Variants in PTPRD observed in about 807,000 individuals in gnomAD.
The protein encoded by PTPRD is receptor-type tyrosine-protein phosphatase delta.
In PTPRD, 34 loss-of-function variants were observed where a neutral mutation model predicts 214.5. The observed-to-expected ratio is 0.16, with a 90% confidence interval of 0.12 to 0.21. PTPRD has a LOEUF of 0.21. Ranked by LOEUF, PTPRD falls within the 10% of genes least tolerant of loss-of-function variation. The probability of loss-of-function intolerance (pLI) is 1.00; values close to 1 mark genes in which losing one functional copy is unlikely to be tolerated. For synonymous variants in PTPRD, 1,128 were observed against 845.7 expected (o/e 1.33, Z -5.79); for missense variants, 2,545 against 2,398.7 (o/e 1.06, Z -1.27).
intron 3 of PTPRD, among the ~76,000 whole-genome samples, chr9:10,223,622 A>T (rs1594685948): frequency 6.6e-6 from 1 of 150,670 alleles, no homozygotes; most frequent in East Asian, 2.0e-4. Context: ...CAAGATCACA[A>T]TCATGCCACT....
At chr9:8,813,980 A>G (rs2096869653) in intron 11 of PTPRD, among the ~76,000 whole-genome samples, 1 of 152,152 alleles carries the variant, frequency 6.6e-6, no homozygotes, top group Non-Finnish European at 1.5e-5. Flanking sequence ...GTCACACAAC[A>G]CTGAAGTGTA....
Position 9,477,327 on chromosome 9 carries a change from A to C in PTPRD, c.-236-79845T>G, listed in dbSNP as rs571132110. 2.6e-5 allele frequency among the ~76,000 whole-genome samples: 4 copies of C among 152,344 alleles called. No individual in the cohort carries two copies. In the South Asian group the frequency reaches 8.3e-4, roughly 32 times the overall value. ...ATGATGATATCACCCATTGAGATTAACAGCATGAGGATGCTCATGTTTCTC... is the reference window on the plus strand; with the variant it reads ...ATGATGATATCACCCATTGAGATTACCAGCATGAGGATGCTCATGTTTCTC... On this transcript the variant is annotated intron_variant, in intron 8 of 45. Coordinates refer to ENST00000381196, the MANE Select transcript of PTPRD (RefSeq NM_002839.4).
chr9:10,203,718 C>A (rs1033029055), intron 3 of PTPRD, among the ~76,000 whole-genome samples: 1 of 152,032 alleles, frequency 6.6e-6, no homozygotes, highest in African/African-American at 2.4e-5. Context: ...CATGCACATA[C>A]CTAAAATGGA....
chr9:8,803,646 T>C (rs1415453547), intron 11 of PTPRD, among the ~76,000 whole-genome samples: 3 of 151,610 alleles, frequency 2.0e-5, no homozygotes, highest in African/African-American at 7.3e-5. Context: ...ACTGCTTGAG[T>C]CTAAGAGGTG....
intron 3 of PTPRD, among the ~76,000 whole-genome samples, chr9:10,035,046 T>C (rs1005650783): frequency 1.3e-5 from 2 of 152,198 alleles, no homozygotes; most frequent in South Asian, 2.1e-4. Flanking sequence ...TCCACTGTGG[T>C]TGAACTAATT....
chr9:9,666,809 T>C (rs1041121665), intron 7 of PTPRD, among the ~76,000 whole-genome samples: 3 of 152,028 alleles, frequency 2.0e-5, no homozygotes, highest in African/African-American at 7.2e-5. Context: ...TAATAATCTA[T>C]CAACTCTAAG....
At chr9:9,052,104 G>A (rs2099686939) in intron 10 of PTPRD, among the ~76,000 whole-genome samples, 1 of 152,186 alleles carries the variant, frequency 6.6e-6, no homozygotes, top group African/African-American at 2.4e-5. Flanking sequence ...TCAGTGTGGT[G>A]TGGTGTTGTT....
intron 7 of PTPRD, among the ~76,000 whole-genome samples, chr9:9,650,165 C>T (rs1436815823): frequency 6.6e-6 from 1 of 152,178 alleles, no homozygotes; most frequent in Middle Eastern, 3.4e-3. Context: ...TAAAAGTGTG[C>T]AGTGGTTTTC....
chr9:8,705,463 A>G (rs2098186048), intron 12 of PTPRD, among the ~76,000 whole-genome samples: 1 of 152,242 alleles, frequency 6.6e-6, no homozygotes, highest in African/African-American at 2.4e-5. Flanking sequence ...TACAAGAAAC[A>G]AATTCCCAGA....
At chr9:8,525,166 G>C (rs1174638570) in intron 17 of PTPRD, 131 bp from the exon 18 acceptor site, 1 of 803,074 alleles carries the variant, frequency 1.2e-6, no homozygotes, top group East Asian at 2.4e-5. Context: ...TCAATCTCTT[G>C]CTAAGTTGCA....
In PTPRD at chr9:8,336,021, T is replaced by C. The variant is rs566481797; in HGVS notation, c.5379+2901A>G. On this transcript the variant is annotated intron_variant, in intron 43 of 45. Coordinates refer to ENST00000381196, the MANE Select transcript of PTPRD (RefSeq NM_002839.4). ...ATAGGAAGAATCAATATCGTGAAAA[T>C]GGCCATACTGCCCAAGGTAATTTAT... Among the ~76,000 whole-genome samples the C allele has an allele frequency of 7.2e-5, 11 of 151,858 alleles. No individual in the cohort carries two copies. In the East Asian group the frequency reaches 1.9e-3, roughly 27 times the overall value.
At chr9:9,204,844 C>T (rs1189412167) in intron 9 of PTPRD, among the ~76,000 whole-genome samples, 1 of 152,000 alleles carries the variant, frequency 6.6e-6, no homozygotes, top group Non-Finnish European at 1.5e-5. Flanking sequence ...ATAAATGTCT[C>T]AAATTATTAT....
intron 11 of PTPRD, among the ~76,000 whole-genome samples, chr9:8,954,441 T>A (rs1009939773): frequency 6.6e-6 from 1 of 151,554 alleles, no homozygotes; most frequent in African/African-American, 2.4e-5. Flanking sequence ...AACTTCAGCA[T>A]CACAAAATAT....
At chr9:9,232,865 T>C (rs1217068879) in intron 9 of PTPRD, among the ~76,000 whole-genome samples, 1 of 152,116 alleles carries the variant, frequency 6.6e-6, no homozygotes, top group African/African-American at 2.4e-5. Context: ...CCAAAATTTC[T>C]CTTCCTCAAG....
chr9:9,511,223 A>T (rs1018746905), intron 8 of PTPRD, among the ~76,000 whole-genome samples: 1 of 151,790 alleles, frequency 6.6e-6, no homozygotes, highest in Non-Finnish European at 1.5e-5. Context: ...AAATGGAGAC[A>T]TTTTATAAAT....
rs148106653 is a variant in PTPRD at position 8,973,701 on chromosome 9, A to G, written c.-104+44996T>C. Among the ~76,000 whole-genome samples the G allele has an allele frequency of 2.1e-3, 319 of 152,090 alleles. 2 individuals carry two copies. Among genetic ancestry groups the G allele is most frequent in the Middle Eastern group, 0.01 (3 of 294 alleles). The stretch of plus-strand genomic sequence containing the variant: ...CCACCAACAGTGTATAAGCATTCCC[A>G]TTTCTCTGTAGCCTCTCCAGCATTT... On this transcript the variant is annotated intron_variant, in intron 11 of 45. Coordinates refer to ENST00000381196, the MANE Select transcript of PTPRD (RefSeq NM_002839.4).
At chr9:9,368,658 T>G (rs2058555159) in intron 9 of PTPRD, among the ~76,000 whole-genome samples, 1 of 151,868 alleles carries the variant, frequency 6.6e-6, no homozygotes, top group Non-Finnish European at 1.5e-5. Flanking sequence ...ACTAATTCAG[T>G]TAAAGGTAAT....
intron 2 of PTPRD, among the ~76,000 whole-genome samples, chr9:10,479,599 G>A (rs922094419): frequency 7.6e-6 from 1 of 131,548 alleles, no homozygotes; most frequent in East Asian, 2.1e-4. Flanking sequence ...TGGGTAACAC[G>A]GTGAAACCCC....
intron 12 of PTPRD, among the ~76,000 whole-genome samples, chr9:8,674,415 G>C (rs143626908): frequency 7.5e-6 from 1 of 133,882 alleles, no homozygotes; most frequent in Non-Finnish European, 1.5e-5. Context: ...CCGGGATCGC[G>C]CCACTGCACT....
Sources: allele counts gnomAD v4.1 joint callset (sites outside exome capture counted in the v4.1 genomes callset), GRCh38; gene constraint gnomAD v4.1.1; transcripts MANE v1.5; gene names NCBI Gene and HGNC (gene_info 2026-07-23, HGNC 2026-07-21).